Variants in SCP2 observed in about 807,000 individuals in gnomAD.
SCP2 encodes sterol carrier protein 2.
In SCP2, 48 loss-of-function variants were observed where a neutral mutation model predicts 71.4. The ratio of observed to expected loss-of-function variants is 0.67; its 90% confidence interval spans 0.53 to 0.86. SCP2 has a LOEUF of 0.86. Ranked by LOEUF, SCP2 falls within the 40% of genes least tolerant of loss-of-function variation. The pLI is 0.00. For synonymous variants in SCP2, 220 were observed against 218.1 expected (o/e 1.01, Z -0.08); for missense variants, 560 against 655.6 (o/e 0.85, Z 1.59).
intron 11 of SCP2, chr1:52,995,110 T>C (rs1659832009): frequency 2.0e-6 from 1 of 499,636 alleles, no homozygotes; most frequent in Non-Finnish European, 4.1e-6. Flanking sequence ...GAGCTGTGAC[T>C]GCCTGCAGGG....
chr1:52,973,578 A>G (rs1657690473), intron 6 of SCP2, among the ~76,000 whole-genome samples: 1 of 152,002 alleles, frequency 6.6e-6, no homozygotes, highest in Non-Finnish European at 1.5e-5. Flanking sequence ...CCTCCTGATC[A>G]CTATTCTTTT....
At chr1:52,996,830 A>G (rs1022023598) in intron 11 of SCP2, among the ~76,000 whole-genome samples, 16 of 152,210 alleles carry the variant, frequency 1.1e-4, no homozygotes, top group Admixed American at 9.2e-4. Flanking sequence ...CTGCCACATC[A>G]GTGTTTGAGT....
At chr1:52,988,930 G>C (rs1659232229) in intron 11 of SCP2, among the ~76,000 whole-genome samples, 1 of 151,938 alleles carries the variant, frequency 6.6e-6, no homozygotes, top group South Asian at 2.1e-4. Flanking sequence ...GACCTCAAGT[G>C]ATCCACCTGC....
intron 12 of SCP2, among the ~76,000 whole-genome samples, chr1:53,017,283 G>A (rs889745934): frequency 7.9e-5 from 12 of 151,860 alleles, no homozygotes; most frequent in Non-Finnish European, 1.3e-4. Flanking sequence ...ACATACAGTC[G>A]TATTACTACC....
chr1:52,966,733 A>G (rs542160896), intron 6 of SCP2, among the ~76,000 whole-genome samples: 1 of 151,872 alleles, frequency 6.6e-6, no homozygotes, highest in African/African-American at 2.4e-5. Context: ...AAGATACAAA[A>G]AAAAAAAAAA....
intron 14 of SCP2, among the ~76,000 whole-genome samples, chr1:53,044,686 G>A (rs181810289): frequency 1.1e-4 from 17 of 152,276 alleles, no homozygotes; most frequent in Admixed American, 4.6e-4. Flanking sequence ...CTTAATGAGA[G>A]GAGGAGCCAA....
At chr1:52,957,737 T>C (rs1006975466) in intron 5 of SCP2, among the ~76,000 whole-genome samples, 3 of 152,234 alleles carry the variant, frequency 2.0e-5, no homozygotes, top group South Asian at 2.1e-4. Flanking sequence ...AAAAAGCCAA[T>C]GCCAAACCCA....
chr1:52,998,006 A>G (rs1660051656), intron 11 of SCP2, among the ~76,000 whole-genome samples: 1 of 152,200 alleles, frequency 6.6e-6, no homozygotes, highest in Non-Finnish European at 1.5e-5. Flanking sequence ...CAGCACATGT[A>G]TGTATTCTTT....
rs1305955720 is a variant in SCP2 at position 53,051,110 on chromosome 1, A to G, written c.*406A>G. ...TTGGGAGAACTAAGTAAGAAACACAATGCCAACAGCTGGCCAGTAATTAGT... is the reference window on the plus strand; with the variant it reads ...TTGGGAGAACTAAGTAAGAAACACAGTGCCAACAGCTGGCCAGTAATTAGT... On this transcript the variant is annotated 3_prime_UTR_variant, in exon 16 of 16. Transcript: ENST00000371514. 3.7e-5 allele frequency: 6 copies of G among 161,020 alleles called. No homozygotes were observed. The highest frequency in any genetic ancestry group is 1.2e-4 in the African/African-American group (5 of 41,534). The allele number at this position is 161,020 out of a possible 1,614,324, so 10.0% of individuals were successfully genotyped here.
chr1:52,947,370 G>C (rs1228676805), intron 2 of SCP2, among the ~76,000 whole-genome samples: 1 of 150,306 alleles, frequency 6.7e-6, no homozygotes. Context: ...AATACTTCAA[G>C]TTTTTGATTT....
intron 11 of SCP2, chr1:52,993,086 A>G (rs1422909550): frequency 6.4e-6 from 8 of 1,244,250 alleles, no homozygotes; most frequent in Non-Finnish European, 9.4e-6. Flanking sequence ...TAAGGCTAAC[A>G]TGGTGATCAT....
intron 9 of SCP2, among the ~76,000 whole-genome samples, chr1:52,979,994 G>A (rs1220237360): frequency 1.4e-5 from 2 of 142,358 alleles, no homozygotes; most frequent in African/African-American, 5.2e-5. Flanking sequence ...TCTTTTTTGA[G>A]ACAGGATCTT....
chr1:52,943,653 C>T (rs1376469867), intron 2 of SCP2: 3 of 432,220 alleles, frequency 6.9e-6, no homozygotes, highest in African/African-American at 4.1e-5. Context: ...TCACTTACTT[C>T]TTGCAAAGCA....
At chr1:52,987,422 C>T (rs1278916143) in intron 10 of SCP2, among the ~76,000 whole-genome samples, 1 of 152,130 alleles carries the variant, frequency 6.6e-6, no homozygotes, top group East Asian at 1.9e-4. Flanking sequence ...ATGTGGAAGA[C>T]AATTTTATAC....
At chr1:52,970,613 T>A (rs1359339623) in intron 6 of SCP2, among the ~76,000 whole-genome samples, 2 of 152,104 alleles carry the variant, frequency 1.3e-5, no homozygotes, top group African/African-American at 2.4e-5. Flanking sequence ...GCCCATTCCA[T>A]ATAGTCATGG....
At chr1:53,029,023 G>C (rs553783719) in intron 13 of SCP2, among the ~76,000 whole-genome samples, 1 of 151,980 alleles carries the variant, frequency 6.6e-6, no homozygotes, top group African/African-American at 2.4e-5. Context: ...TGATCCACCC[G>C]CCTTGGCCTC....
rs1390611775 is a variant in SCP2, at chr1:53,034,138, G to A, written c.1339-4779G>A. On this transcript the variant is annotated intron_variant, in intron 13 of 15. Transcript: ENST00000371514. The stretch of plus-strand genomic sequence containing the variant: ...AATTTTTAGTACTTTTTTTTGGCAC[G>A]TGGTGGTGCGCGCCTGTAGTCTCAG... Among the ~76,000 whole-genome samples the A allele has an allele frequency of 4.6e-5, 7 of 151,894 alleles. No homozygotes were observed. In the South Asian group the frequency reaches 1.0e-3, roughly 23 times the overall value.
intron 11 of SCP2, among the ~76,000 whole-genome samples, chr1:52,996,484 A>C (rs1466293702): frequency 3.3e-5 from 5 of 152,154 alleles, no homozygotes; most frequent in Admixed American, 3.3e-4. Context: ...TGGAGAGGGA[A>C]ATCCAGGCTA....
At chr1:53,021,662 T>TGCG (rs1661750069) in intron 12 of SCP2, among the ~76,000 whole-genome samples, 1 of 145,848 alleles carries the variant, frequency 6.9e-6, no homozygotes, top group African/African-American at 2.6e-5. Context: ...TTTTTTTTTT[T>TGCG]GGGACAGAGT....
Sources: gnomAD v4.1 joint callset for allele counts (sites outside exome capture counted in the v4.1 genomes callset) on GRCh38, gnomAD v4.1.1 for gene constraint, MANE v1.5 for transcripts, NCBI Gene and HGNC (gene_info 2026-07-23, HGNC 2026-07-21) for gene names.